Variants in GALNT17 observed in about 807,000 individuals in gnomAD.
The protein encoded by GALNT17 is UDP-GalNAc:polypeptide N-acetylgalactosaminyltransferase-like 3.
Under a neutral mutation model 63.7 loss-of-function variants are expected in GALNT17, and 29 were observed. The observed-to-expected ratio is 0.46, with a 90% CI of 0.34 to 0.62. The LOEUF (loss-of-function observed/expected upper bound fraction) is 0.62. Ranked by LOEUF, GALNT17 falls within the 20% of genes least tolerant of loss-of-function variation. The probability of loss-of-function intolerance (pLI) is 0.01; values close to 1 mark genes in which losing one functional copy is unlikely to be tolerated. For synonymous variants in GALNT17, 305 were observed against 318.3 expected (o/e 0.96, Z 0.45); for missense variants, 603 against 799.6 (o/e 0.75, Z 2.97).
chr7:71,508,944 G>A (rs545179735), intron 5 of GALNT17, among the ~76,000 whole-genome samples: 10 of 152,266 alleles, frequency 6.6e-5, no homozygotes, highest in Non-Finnish European at 1.5e-4. Context: ...GTGTATGCGT[G>A]TGCATGCCCG....
At chr7:71,612,691 TG>T (rs1282361563) in intron 6 of GALNT17, among the ~76,000 whole-genome samples, 1 of 152,216 alleles carries the variant, frequency 6.6e-6, no homozygotes, top group African/African-American at 2.4e-5. Context: ...TTCCTGCAAT[TG>T]TTTCCCTTTG....
At chr7:71,698,342 C>T (rs1791576659) in intron 9 of GALNT17, among the ~76,000 whole-genome samples, 1 of 151,904 alleles carries the variant, frequency 6.6e-6, no homozygotes, top group Admixed American at 6.6e-5. Context: ...GAATTATAAG[C>T]AAAGAAATTT....
chr7:71,217,534 G>A (rs1010485359), intron 1 of GALNT17, among the ~76,000 whole-genome samples: 2 of 151,702 alleles, frequency 1.3e-5, no homozygotes, highest in East Asian at 1.9e-4. Context: ...ATATCATTCT[G>A]GTTTTCTTTT....
At chr7:71,301,942 G>A (rs1020352397) in intron 1 of GALNT17, among the ~76,000 whole-genome samples, 1 of 152,146 alleles carries the variant, frequency 6.6e-6, no homozygotes, top group East Asian at 1.9e-4. Context: ...AGAAAATAGT[G>A]TAAGTAGGTA....
intron 2 of GALNT17, among the ~76,000 whole-genome samples, chr7:71,336,288 G>GCC (rs1791905669): frequency 6.6e-6 from 1 of 151,964 alleles, no homozygotes; most frequent in African/African-American, 2.4e-5. Context: ...CAGGTGATCT[G>GCC]CCCGCCTTGG....
chr7:71,503,255 T>C (rs1280079032), intron 5 of GALNT17, among the ~76,000 whole-genome samples: 1 of 152,186 alleles, frequency 6.6e-6, no homozygotes, highest in Non-Finnish European at 1.5e-5. Flanking sequence ...TACATCACTT[T>C]TCTGAGCCAG....
intron 6 of GALNT17, among the ~76,000 whole-genome samples, chr7:71,633,103 CAAAAAAAAAA>C (rs71089970): frequency 5.5e-5 from 4 of 72,372 alleles, no homozygotes; most frequent in Non-Finnish European, 7.6e-5. Flanking sequence ...GACTCTGTCT[CAAAAAAAAAA>C]AAAAAAAAAA....
rs774087741 is a variant in GALNT17 at position 71,132,522 on chromosome 7, C to T, written c.-281C>T. 26 of 411,198 alleles carry T rather than the reference C, an allele frequency of 6.3e-5. No homozygotes were observed. Among genetic ancestry groups the T allele is most frequent in the Non-Finnish European group, 1.1e-4 (25 of 231,038 alleles). The allele number at this position is 411,198 out of a possible 1,614,324, so 25.5% of individuals were successfully genotyped here. On this transcript the variant is annotated 5_prime_UTR_variant, in exon 1 of 11. Coordinates refer to ENST00000333538, the MANE Select transcript of GALNT17 (RefSeq NM_022479.3). ...AAACCCTCAAATCCCTGGCCTTTCG[C>T]GGAGACGCCTGGACGGGGCCGTGCG...
chr7:71,329,892 AAT>A (rs1791772973), intron 1 of GALNT17, among the ~76,000 whole-genome samples: 1 of 148,820 alleles, frequency 6.7e-6, no homozygotes, highest in Non-Finnish European at 1.5e-5. Context: ...GTCCTCCAAG[AAT>A]ATATATATGT....
chr7:71,561,307 C>T (rs1789252249), intron 5 of GALNT17, among the ~76,000 whole-genome samples: 1 of 151,968 alleles, frequency 6.6e-6, no homozygotes, highest in Admixed American at 6.6e-5. Flanking sequence ...CCACTGCACC[C>T]AGCCTGAAAT....
At chr7:71,438,885 CTTTT>C (rs199548314) in intron 5 of GALNT17, among the ~76,000 whole-genome samples, 2 of 138,244 alleles carry the variant, frequency 1.4e-5, no homozygotes, top group Admixed American at 7.3e-5. Context: ...AAAAGATAGA[CTTTT>C]TTTTTTTTTT....
intron 9 of GALNT17, among the ~76,000 whole-genome samples, chr7:71,684,689 G>A (rs1331464114): frequency 6.6e-6 from 1 of 152,106 alleles, no homozygotes; most frequent in Non-Finnish European, 1.5e-5. Context: ...TTGAGATAGG[G>A]TCTTGTTCTG....
At chr7:71,180,164 C>T (rs931296059) in intron 1 of GALNT17, among the ~76,000 whole-genome samples, 20 of 151,786 alleles carry the variant, frequency 1.3e-4, no homozygotes, top group Non-Finnish European at 2.5e-4. Context: ...GTCGCTCTGT[C>T]GCCCAGGCTG....
chr7:71,210,663 G>T (rs1481217296), intron 1 of GALNT17, among the ~76,000 whole-genome samples: 1 of 152,206 alleles, frequency 6.6e-6, no homozygotes, highest in African/African-American at 2.4e-5. Flanking sequence ...TAGTGACAGT[G>T]CAGTGGACAG....
At chr7:71,180,938 A>C (rs1232859922) in intron 1 of GALNT17, among the ~76,000 whole-genome samples, 3 of 152,204 alleles carry the variant, frequency 2.0e-5, no homozygotes, top group Non-Finnish European at 4.4e-5. Flanking sequence ...TTGGTGCACA[A>C]GTAATTGCAG....
chr7:71,354,581 T>C (rs1792248384), intron 2 of GALNT17, among the ~76,000 whole-genome samples: 1 of 152,188 alleles, frequency 6.6e-6, no homozygotes, highest in African/African-American at 2.4e-5. Flanking sequence ...ATTTATTCCA[T>C]TAGGCTATGG....
At chr7:71,454,197 T>C (rs1041795824) in intron 5 of GALNT17, among the ~76,000 whole-genome samples, 11 of 152,262 alleles carry the variant, frequency 7.2e-5, no homozygotes, top group Admixed American at 7.2e-4. Context: ...ACCCATCACC[T>C]AGGTATTAAG....
chr7:71,147,324 G>A (rs921039240), intron 1 of GALNT17, among the ~76,000 whole-genome samples: 3 of 152,152 alleles, frequency 2.0e-5, no homozygotes, highest in Non-Finnish European at 4.4e-5. Flanking sequence ...CTTGGAGTCC[G>A]ATGTTTGAGG....
Position 71,294,176 on chromosome 7 carries a change from T to A in GALNT17, c.239-41374T>A, listed in dbSNP as rs944356670. 2.3e-5 allele frequency among the ~76,000 whole-genome samples: 3 copies of A among 130,670 alleles called. 1 individual carries two copies. The highest frequency in any genetic ancestry group is 5.1e-4 in the South Asian group (2 of 3,920). The allele number at this position is 130,670 out of a possible 152,430, so 85.7% of individuals were successfully genotyped here. ...GACTCCGTCTCAAAAAAAAAAAAAA[T>A]TCTTTGTCTTTGACTTTTTACAATG... On this transcript the variant is annotated intron_variant, in intron 1 of 10. Coordinates refer to ENST00000333538, the MANE Select transcript of GALNT17 (RefSeq NM_022479.3).
Sources: allele counts gnomAD v4.1 joint callset (sites outside exome capture counted in the v4.1 genomes callset), GRCh38; gene constraint gnomAD v4.1.1; transcripts MANE v1.5; gene names NCBI Gene and HGNC (gene_info 2026-07-23, HGNC 2026-07-21).